Variants in PLCE1 observed in about 807,000 individuals in gnomAD.
PLCE1 encodes phospholipase C epsilon 1.
PLCE1 carries 119 observed loss-of-function variants against 242.8 expected under a neutral mutation model. That is an observed-to-expected ratio of 0.49 (90% CI 0.42 to 0.57). The LOEUF is 0.57. PLCE1 is among the 20% of genes least tolerant of loss of function. PLCE1 has a pLI of 0.00. For synonymous variants in PLCE1, 945 were observed against 1,017.4 expected (o/e 0.93, Z 1.35); for missense variants, 2,441 against 2,788.8 (o/e 0.88, Z 2.81).
intron 1 of PLCE1, among the ~76,000 whole-genome samples, chr10:94,013,006 T>C (rs1199340883): frequency 6.6e-6 from 1 of 152,138 alleles, no homozygotes; most frequent in Non-Finnish European, 1.5e-5. Flanking sequence ...CTCAGTCACC[T>C]CTCTCTCTAT....
chr10:94,079,939 G>T (rs546454426), intron 2 of PLCE1, among the ~76,000 whole-genome samples: 4 of 152,180 alleles, frequency 2.6e-5, no homozygotes, highest in Non-Finnish European at 5.9e-5. Flanking sequence ...TCAATCTACC[G>T]ATTTGTTTTA....
At chr10:94,300,295 T>C (rs898204917) in intron 24 of PLCE1, among the ~76,000 whole-genome samples, 1 of 152,198 alleles carries the variant, frequency 6.6e-6, no homozygotes, top group Non-Finnish European at 1.5e-5. Context: ...CATCCTGCAG[T>C]CCAGAAGTAC....
chr10:94,207,722 G>A (rs557163003), intron 4 of PLCE1, among the ~76,000 whole-genome samples: 2 of 152,086 alleles, frequency 1.3e-5, no homozygotes, highest in African/African-American at 4.8e-5. Flanking sequence ...GCTGGGGAAG[G>A]GAAAATTAAA....
At chr10:94,103,867 G>A (rs1430953863) in intron 2 of PLCE1, among the ~76,000 whole-genome samples, 1 of 152,208 alleles carries the variant, frequency 6.6e-6, no homozygotes, top group African/African-American at 2.4e-5. Flanking sequence ...AAGGCTAGTA[G>A]GCACCAGGCC....
At chr10:94,011,904 AG>A (rs1460964670) in intron 1 of PLCE1, among the ~76,000 whole-genome samples, 1 of 151,948 alleles carries the variant, frequency 6.6e-6, no homozygotes, top group African/African-American at 2.4e-5. Context: ...ATATCATACC[AG>A]GTGACCAAAT....
chr10:94,323,815 C>T (rs1040416830), intron 30 of PLCE1, among the ~76,000 whole-genome samples: 5 of 152,192 alleles, frequency 3.3e-5, no homozygotes, highest in Non-Finnish European at 7.3e-5. Context: ...ATAATTGGCC[C>T]TCACTAAACA....
chr10:94,133,154 C>T, intron 3 of PLCE1, among the ~76,000 whole-genome samples: 1 of 152,002 alleles, frequency 6.6e-6, no homozygotes, highest in Non-Finnish European at 1.5e-5. Context: ...TGGTTGGGAG[C>T]AGAGTGAAAT....
intron 2 of PLCE1, among the ~76,000 whole-genome samples, chr10:94,119,103 T>A: frequency 6.6e-6 from 1 of 152,234 alleles, no homozygotes; most frequent in East Asian, 1.9e-4. Flanking sequence ...TTACTTACCT[T>A]GTGAGTACAA....
chr10:94,239,341 T>C (rs776807187), intron 7 of PLCE1, among the ~76,000 whole-genome samples: 13 of 152,204 alleles, frequency 8.5e-5, no homozygotes, highest in South Asian at 2.1e-4. Flanking sequence ...TCTCATGAGA[T>C]CTGATGGCTT....
At chr10:94,095,505 C>T (rs1391902985) in intron 2 of PLCE1, among the ~76,000 whole-genome samples, 1 of 152,092 alleles carries the variant, frequency 6.6e-6, no homozygotes, top group Non-Finnish European at 1.5e-5. Flanking sequence ...TACAGGCATG[C>T]ACCACTGCAC....
At chr10:94,325,689 G>C (rs1037571433) in intron 32 of PLCE1, 3 of 151,644 alleles carry the variant, frequency 2.0e-5, no homozygotes, top group African/African-American at 4.9e-5. Flanking sequence ...AATAAGCAAA[G>C]CTCCCAAGAA....
intron 4 of PLCE1, among the ~76,000 whole-genome samples, chr10:94,224,125 G>A (rs532528147): frequency 6.6e-6 from 1 of 152,152 alleles, no homozygotes; most frequent in South Asian, 2.1e-4. Flanking sequence ...TGTGTGTGGT[G>A]TGTCTGTGTG....
chr10:94,123,334 G>A (rs906193608), intron 2 of PLCE1, among the ~76,000 whole-genome samples: 1 of 152,140 alleles, frequency 6.6e-6, no homozygotes, highest in Admixed American at 6.5e-5. Context: ...AGTGATAAAG[G>A]TTCAGCTTAC....
intron 2 of PLCE1, among the ~76,000 whole-genome samples, chr10:94,098,725 G>A (rs1181311017): frequency 7.9e-5 from 12 of 152,086 alleles, no homozygotes; most frequent in African/African-American, 2.9e-4. Flanking sequence ...GGACCTGTAC[G>A]ACATTCAGCT....
chr10:94,167,704 C>T (rs2047852627), intron 3 of PLCE1, among the ~76,000 whole-genome samples: 1 of 132,776 alleles, frequency 7.5e-6, no homozygotes, highest in South Asian at 2.6e-4. Context: ...GGTGTGTTCT[C>T]ATTGTTCAGT....
At chr10:94,075,478 G>A (rs1469740212) in intron 2 of PLCE1, among the ~76,000 whole-genome samples, 2 of 152,206 alleles carry the variant, frequency 1.3e-5, no homozygotes, top group Admixed American at 6.5e-5. Context: ...TGGATTTAGG[G>A]AGTCATTCAC....
At chr10:94,260,458 T>A (rs2051257284) in intron 13 of PLCE1, among the ~76,000 whole-genome samples, 1 of 152,158 alleles carries the variant, frequency 6.6e-6, no homozygotes, top group South Asian at 2.1e-4. Context: ...ACTTTCCTCT[T>A]TTATGCAGTT....
chr10:94,289,824 C>T (rs970736053), intron 22 of PLCE1, among the ~76,000 whole-genome samples: 1 of 151,830 alleles, frequency 6.6e-6, no homozygotes, highest in African/African-American at 2.4e-5. Context: ...ACATGACTAT[C>T]GACTTTATAA....
rs796746917 is a variant in PLCE1 at position 94,258,687 on chromosome 10, A to G, written c.3555-113A>G. On this transcript the variant is annotated intron_variant, in intron 11 of 32. Coordinates refer to ENST00000371380, the MANE Select transcript of PLCE1 (RefSeq NM_016341.4). ...AGTACTGGAAAATAGCTTCAATCTT[A>G]AATAACTTGCACTCATCCTTTTGCT... is the stretch of plus-strand genomic sequence containing the variant. The G allele has an allele frequency of 4.9e-6, 6 of 1,234,504 alleles. No individual in the cohort carries two copies. In the East Asian group the frequency reaches 1.4e-4, roughly 29 times the overall value. 76.5% of individuals were successfully genotyped at this position (1,234,504 alleles called of 1,614,324 possible).
Sources: gnomAD v4.1 joint callset for allele counts (sites outside exome capture counted in the v4.1 genomes callset) on GRCh38, gnomAD v4.1.1 for gene constraint, MANE v1.5 for transcripts, NCBI Gene and HGNC (gene_info 2026-07-23, HGNC 2026-07-21) for gene names.